RUNDC3A: variants seen among roughly 807,000 people sequenced by gnomAD.
RUNDC3A encodes the protein RUN domain containing 3A.
In RUNDC3A, 28 loss-of-function variants were observed where a neutral mutation model predicts 53.9. That is an observed-to-expected ratio of 0.52 (90% CI 0.38 to 0.71). The LOEUF (loss-of-function observed/expected upper bound fraction) is 0.71. Among genes scored for constraint, RUNDC3A ranks in the 30% least tolerant of loss-of-function variants. The pLI is 0.00. For synonymous variants in RUNDC3A, 232 were observed against 249.4 expected, an observed-to-expected ratio of 0.93 and a Z score of 0.66; for missense variants, 491 against 597.3, an observed-to-expected ratio of 0.82 and a Z score of 1.85.
chr17:44,313,524 C>T (rs370917533), intron 4 of RUNDC3A, 21 bp downstream of exon 4: 29 of 1,603,930 alleles, frequency 1.8e-5, no homozygotes, highest in Non-Finnish European at 2.5e-5. Context: ...CCAGGCAACT[C>T]AGACCACAGG....
At chr17:44,317,199 T>TGGCAGAACACAGCATA (rs2047884401) in intron 10 of RUNDC3A, 1 of 551,864 alleles carries the variant, frequency 1.8e-6, no homozygotes, top group South Asian at 2.1e-5. Flanking sequence ...TACTTTGAGG[T>TGGCAGAACACAGCATA]GGCAGAACAC....
intron 10 of RUNDC3A, chr17:44,317,593 A>C: frequency 1.3e-6 from 1 of 778,430 alleles, no homozygotes; most frequent in Non-Finnish European, 2.4e-6. Context: ...TTCCCATCCT[A>C]GTTCTCCCTA....
rs1364551559 is a variant in RUNDC3A at position 44,316,421 on chromosome 17, C to T, written c.990C>T (p.Ala330=). Residue 330 remains alanine, a synonymous_variant, in exon 9 of 11, where the codon GCC becomes GCT. Transcript: ENST00000426726. ...TCCCCAGTGACCACGCCCCTCTGGC[C>T]CAGGGTTCCAAGGAGCTCACTACAC... ...GLIPSDHAPL[A]QGSKELTTPL... The T allele has an allele frequency of 1.2e-6, 2 of 1,613,842 alleles. No homozygotes were observed. Among genetic ancestry groups the T allele is most frequent in the Admixed American group, 3.3e-5 (2 of 60,004 alleles).
In RUNDC3A at chr17:44,313,610, A is replaced by C. The variant is rs922114189; in HGVS notation, c.458+107A>C. 2.0e-6 allele frequency: 3 copies of C among 1,463,660 alleles called. No homozygotes were observed. In the African/African-American group the frequency reaches 4.2e-5, roughly 21 times the overall value. The allele number at this position is 1,463,660 out of a possible 1,614,324, so 90.7% of individuals were successfully genotyped here. A position where few individuals can be genotyped will look rare whatever the true frequency, so the allele number is the denominator to read the frequency against. ...CAGCATCCTTCAGTTCCTGGACTAC[A>C]AGTCCCAGCACCAGCACACATGGCT... On this transcript the variant is annotated intron_variant, in intron 4 of 10. Transcript: ENST00000426726.
chr17:44,312,339 C>T (rs180837004), intron 1 of RUNDC3A, among the ~76,000 whole-genome samples: 3 of 152,222 alleles, frequency 2.0e-5, no homozygotes, highest in Admixed American at 6.5e-5. Flanking sequence ...TCCTGTCACC[C>T]ACTTTGTCAA....
chr17:44,315,644 G>A lies in RUNDC3A; in HGVS notation c.953+35G>A, dbSNP rs759297880. 1.3e-5 allele frequency: 17 copies of A among 1,306,886 alleles called. No homozygotes were observed. The highest frequency in any genetic ancestry group is 1.5e-5 in the Non-Finnish European group (15 of 1,010,842). The allele number at this position is 1,306,886 out of a possible 1,614,324, so 81.0% of individuals were successfully genotyped here. A position where few individuals can be genotyped will look rare whatever the true frequency, so the allele number is the denominator to read the frequency against. Reference sequence around the variant, plus strand: ...CGGCCTGCCCTAACCCCTGACCCCCGCCGCCCCGACCACATCACCGGGTGA... The same window carrying A: ...CGGCCTGCCCTAACCCCTGACCCCCACCGCCCCGACCACATCACCGGGTGA... On this transcript the variant is annotated intron_variant, in intron 8 of 10. Coordinates refer to ENST00000426726, the MANE Select transcript of RUNDC3A (RefSeq NM_001144825.2). The surrounding 1 kb of genome is among the most constrained non-coding windows in gnomAD (Gnocchi z 6.1).
chr17:44,315,345 G>A lies in RUNDC3A; in HGVS notation c.795+25G>A. ...GGTGCGCGACGCCGGCGGGCCCGGG[G>A]GGCGGGCGGGCCGGGCGGGGGATCC... On this transcript the variant is annotated intron_variant, in intron 7 of 10. Coordinates refer to ENST00000426726, the MANE Select transcript of RUNDC3A (RefSeq NM_001144825.2). This position sits in a 1 kb window ranked among gnomAD's most constrained non-coding sequence, Gnocchi z 6.1. The A allele has an allele frequency of 7.4e-7, 1 of 1,343,316 alleles. No homozygotes were observed. Among genetic ancestry groups the A allele is most frequent in the Non-Finnish European group, 9.6e-7 (1 of 1,040,620 alleles). The allele number at this position is 1,343,316 out of a possible 1,614,324, so 83.2% of individuals were successfully genotyped here.
rs2047922580 is a variant in RUNDC3A, at chr17:44,318,589, T to TC, written c.*353dup. The TC allele has an allele frequency of 3.6e-6, 1 of 274,060 alleles. No homozygotes were observed. Among genetic ancestry groups the TC allele is most frequent in the Non-Finnish European group, 7.1e-6 (1 of 140,586 alleles). 17.0% of individuals were successfully genotyped at this position (274,060 alleles called of 1,614,324 possible). On this transcript the variant is annotated 3_prime_UTR_variant, in exon 11 of 11. Coordinates refer to ENST00000426726, the MANE Select transcript of RUNDC3A (RefSeq NM_001144825.2). The stretch of plus-strand genomic sequence containing the variant: ...CCCCCACCTCCCAGTCTCTAGCCTC[T>TC]CCATCTGTCTGTGTATGGCCTGGAG...
Position 44,313,730 on chromosome 17 carries a change from G to A in RUNDC3A, c.458+227G>A, listed in dbSNP as rs1011819713. 7 of 1,276,944 alleles carry A rather than the reference G, an allele frequency of 5.5e-6. No homozygotes were observed. In the African/African-American group the frequency reaches 1.1e-4, roughly 20 times the overall value. 79.1% of individuals were successfully genotyped at this position (1,276,944 alleles called of 1,614,324 possible). On this transcript the variant is annotated intron_variant, in intron 4 of 10. Coordinates refer to ENST00000426726, the MANE Select transcript of RUNDC3A (RefSeq NM_001144825.2). ...GAGTTTCGCTCTTGTTGCCCAGGCT[G>A]GAGTGCGATGGCGCGATCTCGGCTC...
Position 44,313,419 on chromosome 17 carries a change from G to A in RUNDC3A, c.374G>A (p.Gly125Asp). 6.2e-7 allele frequency: 1 copy of A among 1,613,934 alleles called. No individual in the cohort carries two copies. Among genetic ancestry groups the A allele is most frequent in the Non-Finnish European group, 8.5e-7 (1 of 1,179,842 alleles). The change falls in exon 4 of 11, where the codon GGC (glycine) becomes GAC (aspartate). Residue 125 changes from glycine (G) to aspartate (D), a missense_variant and splice_region_variant. By Grantham distance (94) the Gly-to-Asp change is moderately conservative. Around this residue, in one of 2 missense-constraint regions of RUNDC3A, gnomAD observed 273 missense variants for 389.0 expected, o/e 0.70. Coordinates refer to ENST00000426726, the MANE Select transcript of RUNDC3A (RefSeq NM_001144825.2). Reference protein sequence around the residue: ...MENISTARAKGRAWIRVALME... With the variant: ...MENISTARAKDRAWIRVALME... Reference sequence around the variant, plus strand: ...AGTAAAGGTGAACATGATTTCCAGGGCCGGGCATGGATCCGGGTGGCACTG... The same window carrying A: ...AGTAAAGGTGAACATGATTTCCAGGACCGGGCATGGATCCGGGTGGCACTG...
At chr17:44,311,440 C>T (rs1210847207) in intron 1 of RUNDC3A, 1 of 724,210 alleles carries the variant, frequency 1.4e-6, no homozygotes, top group Non-Finnish European at 1.7e-6. Flanking sequence ...ACCTCTTGGA[C>T]CATCAATTTC....
In RUNDC3A at chr17:44,318,402, C is replaced by T. The variant is rs2047918620; in HGVS notation, c.*164C>T. On this transcript the variant is annotated 3_prime_UTR_variant, in exon 11 of 11. Coordinates refer to ENST00000426726, the MANE Select transcript of RUNDC3A (RefSeq NM_001144825.2). ...TCGTCTGCTCACCTTAGCTTTCTGC[C>T]TTGGCAGCACGGGCTGCGGAAGAAA... The T allele has an allele frequency of 1.2e-6, 1 of 842,966 alleles. No individual in the cohort carries two copies. The highest frequency in any genetic ancestry group is 1.7e-5 in the African/African-American group (1 of 58,850). The allele number at this position is 842,966 out of a possible 1,614,324, so 52.2% of individuals were successfully genotyped here. A position where few individuals can be genotyped will look rare whatever the true frequency, so the allele number is the denominator to read the frequency against.
At chr17:44,314,517 G>A in intron 4 of RUNDC3A, 1 of 1,421,324 alleles carries the variant, frequency 7.0e-7, no homozygotes, top group Non-Finnish European at 9.2e-7. Context: ...AGCTCAGAGG[G>A]AGGAGTCGGC....
Position 44,318,119 on chromosome 17 carries a change from C to A in RUNDC3A, c.1222C>A (p.Leu408Met). 1 of 1,551,498 alleles carries A rather than the reference C, an allele frequency of 6.4e-7. No individual in the cohort carries two copies. The highest frequency in any genetic ancestry group is 8.7e-7 in the Non-Finnish European group (1 of 1,146,908). Residue 408 changes from leucine to methionine, a missense_variant, in exon 11 of 11, where the codon CTG becomes ATG. Physicochemically the swap from Leu to Met is conservative, Grantham distance 15. Around this residue, in one of 2 missense-constraint regions of RUNDC3A, gnomAD observed 218 missense variants for 208.2 expected, o/e 1.05. Transcript: ENST00000426726. ...PIGKDPTPSM[L>M]GLCGSLASIP... ...AGGGAAGGACCCCACGCCCTCCATG[C>A]TGGGCCTCTGCGGCTCCCTGGCCTC...
rs1281785700 is a variant in RUNDC3A, at chr17:44,315,171, G to C, written c.646G>C (p.Asp216His). 4 of 1,568,564 alleles carry C rather than the reference G, an allele frequency of 2.6e-6. No individual in the cohort carries two copies. The highest frequency in any genetic ancestry group is 3.5e-6 in the Non-Finnish European group (4 of 1,156,624). The part of the protein sequence containing the change: ...KFTQSYDYLT[D>H]EEERHSAESS... Reference sequence around the variant, plus strand: ...TCTCCCAAGCTACGACTACCTGACGGACGAGGAGGAGCGGCACAGCGCCGA... The same window carrying C: ...TCTCCCAAGCTACGACTACCTGACGCACGAGGAGGAGCGGCACAGCGCCGA... Residue 216 changes from aspartate to histidine, a missense_variant, in exon 7 of 11, where the codon GAC (aspartate) becomes CAC (histidine). Asp to His is a moderately conservative substitution (Grantham distance 81). Coordinates refer to ENST00000426726, the MANE Select transcript of RUNDC3A (RefSeq NM_001144825.2). The surrounding 1 kb of genome is among the most constrained non-coding windows in gnomAD (Gnocchi z 6.1).
chr17:44,317,520 G>A (rs750940689), intron 10 of RUNDC3A: 24 of 780,750 alleles, frequency 3.1e-5, no homozygotes, highest in Admixed American at 2.2e-4. Flanking sequence ...CCCTTCGAGC[G>A]AATGCCCAGG....
rs2047846865 is a variant in RUNDC3A, at chr17:44,315,624, T to C, written c.953+15T>C. ...CAGGAGCAGCTGTGAGCGCACGGCC[T>C]GCCCTAACCCCTGACCCCCGCCGCC... is the stretch of plus-strand genomic sequence containing the variant. On this transcript the variant is annotated intron_variant, in intron 8 of 10. Coordinates refer to ENST00000426726, the MANE Select transcript of RUNDC3A (RefSeq NM_001144825.2). The surrounding 1 kb of genome is among the most constrained non-coding windows in gnomAD (Gnocchi z 6.1). The C allele has an allele frequency of 2.1e-6, 3 of 1,439,216 alleles. No homozygotes were observed. Among genetic ancestry groups the C allele is most frequent in the African/African-American group, 3.0e-5 (2 of 67,516 alleles). The allele number at this position is 1,439,216 out of a possible 1,614,324, so 89.2% of individuals were successfully genotyped here. A position where few individuals can be genotyped will look rare whatever the true frequency, so the allele number is the denominator to read the frequency against.
chr17:44,317,923 T>A (rs1444133644), intron 10 of RUNDC3A, 173 bp from the exon 11 acceptor site: 2 of 628,536 alleles, frequency 3.2e-6, no homozygotes, highest in Non-Finnish European at 5.6e-6. Context: ...CCCAGCACGG[T>A]GCCTGGCACA....
rs1462439526 is a variant in RUNDC3A, at chr17:44,315,616, G to A, written c.953+7G>A. 7 of 1,466,882 alleles carry A rather than the reference G, an allele frequency of 4.8e-6. No individual in the cohort carries two copies. Among genetic ancestry groups the A allele is most frequent in the Non-Finnish European group, 6.3e-6 (7 of 1,104,358 alleles). The allele number at this position is 1,466,882 out of a possible 1,614,324, so 90.9% of individuals were successfully genotyped here. On this transcript the variant is annotated splice_region_variant and intron_variant, in intron 8 of 10. Transcript: ENST00000426726. The surrounding 1 kb of genome is among the most constrained non-coding windows in gnomAD (Gnocchi z 6.1). ...TGGAGCTGCAGGAGCAGCTGTGAGC[G>A]CACGGCCTGCCCTAACCCCTGACCC...
Sources: allele counts gnomAD v4.1 joint callset (sites outside exome capture counted in the v4.1 genomes callset), GRCh38; gene constraint gnomAD v4.1.1; regional missense constraint gnomAD v4.1.1; non-coding constraint Gnocchi (gnomAD v3.1); transcripts MANE v1.5; gene names NCBI Gene and HGNC (gene_info 2026-07-23, HGNC 2026-07-21).